The following YLPM1 variants were observed in gnomAD, a reference collection of about 807,000 sequenced individuals.
The protein encoded by YLPM1 is YLP motif-containing protein 1.
Under a neutral mutation model 230.0 loss-of-function variants are expected in YLPM1, and 99 were observed. The observed-to-expected ratio is 0.43, with a 90% CI of 0.37 to 0.51. The LOEUF is 0.51. YLPM1 is among the 20% of genes least tolerant of loss of function. YLPM1 has a pLI of 0.00. For synonymous variants in YLPM1, 984 were observed against 942.5 expected (o/e 1.04, Z -0.81); for missense variants, 2,592 against 2,707.7 (o/e 0.96, Z 0.95).
Position 74,763,459 on chromosome 14 carries a change from C to T in YLPM1, c.-31C>T. 1 of 1,396,808 alleles carries T rather than the reference C, an allele frequency of 7.2e-7. No individual in the cohort carries two copies. Among genetic ancestry groups the T allele is most frequent in the East Asian group, 2.8e-5 (1 of 36,302 alleles). 86.5% of individuals were successfully genotyped at this position (1,396,808 alleles called of 1,614,324 possible). ...AGGTCGGTTGCGACGAGTAACGGCG[C>T]CAGGACGAGCCCTGCGCCTTCTTTT... On this transcript the variant is annotated 5_prime_UTR_variant, in exon 1 of 21. Transcript: ENST00000325680.
chr14:74,833,921 C>T (rs1162859092), intron 19 of YLPM1, among the ~76,000 whole-genome samples: 1 of 152,116 alleles, frequency 6.6e-6, no homozygotes, highest in Non-Finnish European at 1.5e-5. Flanking sequence ...GATAATAAAT[C>T]ACAAGCCATG....
intron 4 of YLPM1, 104 bp from the exon 5 acceptor site, chr14:74,797,476 G>A: frequency 1.0e-6 from 1 of 993,668 alleles, no homozygotes; most frequent in South Asian, 2.2e-5. Context: ...AAGAGTCATT[G>A]TTGTAAACAA....
In YLPM1 at chr14:74,821,083, T is replaced by C; in HGVS notation, c.6057T>C (p.Asn2019=). The C allele has an allele frequency of 6.5e-7, 1 of 1,537,328 alleles. No individual in the cohort carries two copies. Among genetic ancestry groups the C allele is most frequent in the South Asian group, 1.2e-5 (1 of 80,596 alleles). The change falls in exon 17 of 21, where the codon AAT becomes AAC. Residue 2019 remains asparagine, a synonymous_variant. Transcript: ENST00000325680. ...EEVEMEDFDA[N]IEEQKEEKKD... is the part of the protein sequence containing the mutation. ...TAGAGATGGAAGATTTTGATGCAAATATCGAAGAACAGAAAGAAGAAAAGA... is the reference window on the plus strand; with the variant it reads ...TAGAGATGGAAGATTTTGATGCAAACATCGAAGAACAGAAAGAAGAAAAGA...
Position 74,798,099 on chromosome 14 carries a change from A to C in YLPM1, c.2802A>C (p.Gln934His). 1 of 1,613,994 alleles carries C rather than the reference A, an allele frequency of 6.2e-7. No individual in the cohort carries two copies. Among genetic ancestry groups the C allele is most frequent in the Non-Finnish European group, 8.5e-7 (1 of 1,179,896 alleles). ...AGAATGTTCAAAGTATGGAGACTCA[A>C]ATCGACAAAGCCCAAGCTGTTACTC... is the stretch of plus-strand genomic sequence containing the variant. ...WDQNVQSMET[Q>H]IDKAQAVTQP... Residue 934 changes from glutamine (Q) to histidine (H), a missense_variant, in exon 5 of 21, where the codon CAA becomes CAC. Physicochemically the swap from Gln to His is conservative, Grantham distance 24 (BLOSUM62 0). Coordinates refer to ENST00000325680, the MANE Select transcript of YLPM1 (RefSeq NM_019589.3).
At position 74,797,692 on chromosome 14, in the gene YLPM1, G is replaced by A; in HGVS notation, c.2395G>A (p.Gly799Ser). Reference sequence around the variant, plus strand: ...CGATGGGCCAAGACCCAGATATGAAGGTCACCCAGCAGAGGGCACTAAAAG... The same window carrying A: ...CGATGGGCCAAGACCCAGATATGAAAGTCACCCAGCAGAGGGCACTAAAAG... ...RPDGPRPRYE[G>S]HPAEGTKSKW... Residue 799 changes from glycine (G) to serine (S), a missense_variant, in exon 5 of 21, where the codon GGT (glycine) becomes AGT (serine). By Grantham distance (56) the Gly-to-Ser change is moderately conservative. This residue lies in a region of YLPM1 where 1,862 missense variants were observed against 1,819.8 expected (regional missense o/e 1.02). Coordinates refer to ENST00000325680, the MANE Select transcript of YLPM1 (RefSeq NM_019589.3). 1 of 1,612,788 alleles carries A rather than the reference G, an allele frequency of 6.2e-7. No homozygotes were observed. Among genetic ancestry groups the A allele is most frequent in the South Asian group, 1.1e-5 (1 of 91,014 alleles).
At chr14:74,775,486 G>T (rs575915746) in intron 1 of YLPM1, among the ~76,000 whole-genome samples, 2 of 152,308 alleles carry the variant, frequency 1.3e-5, no homozygotes, top group African/African-American at 4.8e-5. Flanking sequence ...TAGTTATCCA[G>T]AGATAATTGG....
chr14:74,770,233 C>T (rs960525582), intron 1 of YLPM1, among the ~76,000 whole-genome samples: 19 of 150,726 alleles, frequency 1.3e-4, no homozygotes, highest in Non-Finnish European at 1.3e-4. Context: ...GTAGTGCCGG[C>T]TACTTGCGGG....
At chr14:74,768,444 A>G (rs1309656633) in intron 1 of YLPM1, among the ~76,000 whole-genome samples, 5 of 152,020 alleles carry the variant, frequency 3.3e-5, no homozygotes, top group African/African-American at 9.7e-5. Context: ...ATGGGGTTTC[A>G]CCATGTTGGT....
At chr14:74,825,909 T>C (rs957178539) in intron 18 of YLPM1, among the ~76,000 whole-genome samples, 2 of 152,174 alleles carry the variant, frequency 1.3e-5, no homozygotes, top group African/African-American at 4.8e-5. Context: ...TATTCAAGAA[T>C]ATATATTAAT....
intron 4 of YLPM1, among the ~76,000 whole-genome samples, chr14:74,784,347 G>A (rs888679792): frequency 1.2e-4 from 19 of 152,106 alleles, no homozygotes; most frequent in African/African-American, 4.3e-4. Context: ...ATCTGTCTAC[G>A]GCAACGCACG....
At position 74,818,223 on chromosome 14, in the gene YLPM1, T is replaced by G; in HGVS notation, c.5947-8T>G. 2 of 1,591,924 alleles carry G rather than the reference T, an allele frequency of 1.3e-6. No individual in the cohort carries two copies. Among genetic ancestry groups the G allele is most frequent in the Non-Finnish European group, 1.7e-6 (2 of 1,169,072 alleles). On this transcript the variant is annotated splice_region_variant and splice_polypyrimidine_tract_variant and intron_variant, in intron 15 of 20. Coordinates refer to ENST00000325680, the MANE Select transcript of YLPM1 (RefSeq NM_019589.3). Reference sequence around the variant, plus strand: ...AGAGATAACTCAACCATCTGAATTTTTCAATAGATGGCTGATCACTGGGAA... The same window carrying G: ...AGAGATAACTCAACCATCTGAATTTGTCAATAGATGGCTGATCACTGGGAA...
chr14:74,798,200 G>GAACAGCAGTAGCAACATCATCATT lies in YLPM1; in HGVS notation c.2912_2935dup (p.Val971_Ala978dup). 1 of 1,613,944 alleles carries GAACAGCAGTAGCAACATCATCATT rather than the reference G, an allele frequency of 6.2e-7. No homozygotes were observed. The highest frequency in any genetic ancestry group is 8.5e-7 in the Non-Finnish European group (1 of 1,179,874). ...TCAAAAACAGGGGGGATGGAGGGAG[G>GAACAGCAGTAGCAACATCATCATT]AACAGCAGTAGCAACATCATCATTA... On this transcript the variant is annotated inframe_insertion, in exon 5 of 21. Transcript: ENST00000325680.
At chr14:74,801,237 C>G (rs751026459) in intron 5 of YLPM1, among the ~76,000 whole-genome samples, 1 of 151,942 alleles carries the variant, frequency 6.6e-6, no homozygotes, top group Non-Finnish European at 1.5e-5. Context: ...ATGTCATAGC[C>G]GAATACAAGT....
chr14:74,809,522 T>TACCTCCTCCTCCTCC lies in YLPM1; in HGVS notation c.4666_4680dup (p.Pro1556_Pro1560dup). On this transcript the variant is annotated inframe_insertion, in exon 7 of 21. Transcript: ENST00000325680. ...CCACCACCTCCACCTCCTCCACCTC[T>TACCTCCTCCTCCTCC]ACCTCCTCCTCCTCCAGTGATAAAG... 6.3e-7 allele frequency: 1 copy of TACCTCCTCCTCCTCC among 1,588,550 alleles called. No individual in the cohort carries two copies. The highest frequency in any genetic ancestry group is 1.1e-5 in the South Asian group (1 of 87,872).
At position 74,780,422 on chromosome 14, in the gene YLPM1, A is replaced by C; in HGVS notation, c.1128A>C (p.Glu376Asp). 4 of 1,612,996 alleles carry C rather than the reference A, an allele frequency of 2.5e-6. No individual in the cohort carries two copies. Among genetic ancestry groups the C allele is most frequent in the Non-Finnish European group, 3.4e-6 (4 of 1,179,388 alleles). ...ATCTTTAGTCTGAGGACCCAGAAGAAGATGCCAGGTTAAAGCAGTTGCAGG... is the reference window on the plus strand; with the variant it reads ...ATCTTTAGTCTGAGGACCCAGAAGACGATGCCAGGTTAAAGCAGTTGCAGG... ...PEEPQSEDPE[E>D]DARLKQLQAA... Residue 376 changes from glutamate to aspartate, a missense_variant, in exon 3 of 21, where the codon GAA becomes GAC. Physicochemically the swap from Glu to Asp is conservative, Grantham distance 45. This residue lies in a region of YLPM1 where 1,862 missense variants were observed against 1,819.8 expected (regional missense o/e 1.02). Coordinates refer to ENST00000325680, the MANE Select transcript of YLPM1 (RefSeq NM_019589.3).
At chr14:74,770,927 GT>G (rs2090971519) in intron 1 of YLPM1, among the ~76,000 whole-genome samples, 1 of 152,192 alleles carries the variant, frequency 6.6e-6, no homozygotes, top group Non-Finnish European at 1.5e-5. Flanking sequence ...GATAATAGTG[GT>G]TTAGACTTTG....
intron 15 of YLPM1, 55 bp downstream of exon 15, chr14:74,817,332 T>C (rs1427933841): frequency 5.4e-6 from 8 of 1,488,840 alleles, no homozygotes; most frequent in Non-Finnish European, 7.3e-6. Context: ...CATAATGATG[T>C]TTTGGTTAAG....
intron 4 of YLPM1, among the ~76,000 whole-genome samples, chr14:74,786,219 T>C (rs1457524876): frequency 6.6e-6 from 1 of 151,796 alleles, no homozygotes; most frequent in Non-Finnish European, 1.5e-5. Flanking sequence ...TAAAATTAGC[T>C]GGCATGGTAA....
In YLPM1 at chr14:74,810,353, C is replaced by G. The variant is rs183024879; in HGVS notation, c.5161C>G (p.Arg1721Gly). The stretch of plus-strand genomic sequence containing the variant: ...TCGTGAGACACATAGAGATCGAGAC[C>G]GGGATCGTGGTGTTATTGACTATGA... Reference protein sequence around the residue: ...RDRETHRDRDRDRGVIDYDRD... With the variant: ...RDRETHRDRDGDRGVIDYDRD... The change falls in exon 9 of 21, where the codon CGG (arginine) becomes GGG (glycine). Residue 1721 changes from arginine (R) to glycine (G), a missense_variant. Arg to Gly is a moderately radical substitution (Grantham distance 125). This residue lies in a region of YLPM1 where 403 missense variants were observed against 426.7 expected (regional missense o/e 0.94). Coordinates refer to ENST00000325680, the MANE Select transcript of YLPM1 (RefSeq NM_019589.3). 3.1e-6 allele frequency: 5 copies of G among 1,613,306 alleles called. No homozygotes were observed. The highest frequency in any genetic ancestry group is 1.6e-4 in the Middle Eastern group (1 of 6,062).
Sources: allele counts gnomAD v4.1 joint callset (sites outside exome capture counted in the v4.1 genomes callset), GRCh38; gene constraint gnomAD v4.1.1; regional missense constraint gnomAD v4.1.1; transcripts MANE v1.5; gene names NCBI Gene and HGNC (gene_info 2026-07-23, HGNC 2026-07-21).